The following PPARGC1A variants were observed in gnomAD, a reference collection of about 807,000 sequenced individuals.
The protein encoded by PPARGC1A is peroxisome proliferator-activated receptor gamma coactivator 1-alpha.
PPARGC1A carries 25 observed loss-of-function variants against 88.7 expected under a neutral mutation model. The observed-to-expected ratio is 0.28, with a 90% confidence interval of 0.21 to 0.39. The LOEUF (loss-of-function observed/expected upper bound fraction) is 0.39. PPARGC1A is among the 10% of genes least tolerant of loss of function. The pLI, the probability that PPARGC1A is intolerant of heterozygous loss-of-function variation, is 1.00. For synonymous variants in PPARGC1A, 363 were observed against 355.6 expected (o/e 1.02, Z -0.24); for missense variants, 880 against 968.7 (o/e 0.91, Z 1.22).
At chr4:24,403,547 T>C in the PPARGC1A span, among the ~76,000 whole-genome samples, 2 of 152,154 alleles carry the variant, frequency 1.3e-5, no homozygotes, top group African/African-American at 4.8e-5. Flanking sequence ...CCTGGACAGA[T>C]TGTCACCTCA....
the PPARGC1A span, among the ~76,000 whole-genome samples, chr4:24,037,269 T>A: frequency 3.9e-5 from 6 of 152,224 alleles, no homozygotes; most frequent in East Asian, 1.2e-3. Flanking sequence ...CTTCATATGG[T>A]CTTTCTGAGA....
At chr4:23,824,597 C>T in intron 5 of PPARGC1A, 89 bp from the exon 6 acceptor site, 1 of 1,135,748 alleles carries the variant, frequency 8.8e-7, no homozygotes, top group Non-Finnish European at 1.3e-6. Flanking sequence ...GGAAAAACAA[C>T]CAGAAAACTC....
chr4:23,801,464 AAC>A (rs1255056413), intron 12 of PPARGC1A, among the ~76,000 whole-genome samples: 7 of 152,276 alleles, frequency 4.6e-5, no homozygotes, highest in Admixed American at 3.3e-4. Flanking sequence ...CACATGTGGA[AAC>A]ACACAATATC....
chr4:24,253,092 C>T, the PPARGC1A span, among the ~76,000 whole-genome samples: 1 of 152,122 alleles, frequency 6.6e-6, no homozygotes, highest in Non-Finnish European at 1.5e-5. Context: ...AAAGTCTCTC[C>T]TCTGCAAAAG....
chr4:23,856,857 T>G (rs966800716), intron 2 of PPARGC1A, among the ~76,000 whole-genome samples: 1 of 151,520 alleles, frequency 6.6e-6, no homozygotes, highest in Admixed American at 6.6e-5. Flanking sequence ...GAACACCTTC[T>G]CCCTGGAATT....
At chr4:23,998,529 A>C in the PPARGC1A span, among the ~76,000 whole-genome samples, 5 of 152,160 alleles carry the variant, frequency 3.3e-5, no homozygotes, top group East Asian at 9.6e-4. Context: ...ATGCAAAATG[A>C]TATCTTCTTA....
At chr4:24,049,308 G>GTGTATATATATATATATA in the PPARGC1A span, among the ~76,000 whole-genome samples, 93 of 139,544 alleles carry the variant, frequency 6.7e-4, no homozygotes, top group Non-Finnish European at 9.6e-4. Flanking sequence ...ATATATGTGT[G>GTGTATATATATATATATA]TATATATATA....
the PPARGC1A span, among the ~76,000 whole-genome samples, chr4:24,083,514 A>G: frequency 2.6e-5 from 4 of 152,134 alleles, no homozygotes; most frequent in Non-Finnish European, 4.4e-5. Flanking sequence ...GAACACTTTT[A>G]TACCATCTTT....
chr4:24,207,429 T>G, the PPARGC1A span, among the ~76,000 whole-genome samples: 1 of 152,218 alleles, frequency 6.6e-6, no homozygotes, highest in African/African-American at 2.4e-5. Context: ...GTGCTAAAAA[T>G]TTGAAGAACA....
At chr4:24,110,633 G>T in the PPARGC1A span, among the ~76,000 whole-genome samples, 1 of 152,096 alleles carries the variant, frequency 6.6e-6, no homozygotes, top group African/African-American at 2.4e-5. Context: ...TACAATAATG[G>T]CCATTTTTGG....
chr4:24,066,557 C>T, the PPARGC1A span, among the ~76,000 whole-genome samples: 6 of 152,108 alleles, frequency 3.9e-5, no homozygotes, highest in Non-Finnish European at 5.9e-5. Context: ...TCTGTTTCTC[C>T]GTCAGTGAGA....
the PPARGC1A span, among the ~76,000 whole-genome samples, chr4:24,385,505 T>C: frequency 1.3e-5 from 2 of 151,522 alleles, no homozygotes; most frequent in African/African-American, 2.4e-5. Flanking sequence ...GCCAGACTAA[T>C]AAAGAAGAAA....
At chr4:24,022,396 C>T in the PPARGC1A span, among the ~76,000 whole-genome samples, 1 of 152,130 alleles carries the variant, frequency 6.6e-6, no homozygotes, top group Non-Finnish European at 1.5e-5. Flanking sequence ...CACTGCCTCC[C>T]CACATACATA....
chr4:23,968,653 G>C, the PPARGC1A span, among the ~76,000 whole-genome samples: 1 of 152,152 alleles, frequency 6.6e-6, no homozygotes, highest in African/African-American at 2.4e-5. Flanking sequence ...TGTGGCTCAT[G>C]CTTGTAATCC....
At chr4:24,271,087 T>C in the PPARGC1A span, among the ~76,000 whole-genome samples, 1 of 152,272 alleles carries the variant, frequency 6.6e-6, no homozygotes, top group East Asian at 1.9e-4. Flanking sequence ...TAGTAAACAT[T>C]AACAACATGT....
the PPARGC1A span, among the ~76,000 whole-genome samples, chr4:24,132,204 G>A: frequency 5.3e-5 from 8 of 151,926 alleles, no homozygotes; most frequent in Admixed American, 2.6e-4. Context: ...ACTGTTGCAA[G>A]TCATGGAGCC....
At chr4:24,387,798 A>G in the PPARGC1A span, among the ~76,000 whole-genome samples, 51 of 112,224 alleles carry the variant, frequency 4.5e-4, no homozygotes, top group Non-Finnish European at 7.2e-4. Context: ...GAAAGAAAGA[A>G]AGAAAGAAAG....
the PPARGC1A span, among the ~76,000 whole-genome samples, chr4:24,374,564 A>C: frequency 3.4e-5 from 3 of 88,728 alleles, no homozygotes; most frequent in East Asian, 9.9e-4. Context: ...AATAAATGTT[A>C]AAAAAAAAAG....
the PPARGC1A span, among the ~76,000 whole-genome samples, chr4:24,046,526 T>G: frequency 3.3e-5 from 5 of 152,194 alleles, no homozygotes; most frequent in African/African-American, 9.7e-5. Context: ...CCAGACTGAT[T>G]TTTTGCAATG....
Sources: gnomAD v4.1 joint callset for allele counts (sites outside exome capture counted in the v4.1 genomes callset) on GRCh38, gnomAD v4.1.1 for gene constraint, MANE v1.5 for transcripts, NCBI Gene and HGNC (gene_info 2026-07-23, HGNC 2026-07-21) for gene names.